VWDE: variants seen among roughly 807,000 people sequenced by gnomAD.
The protein encoded by VWDE is von Willebrand factor D and EGF domain-containing protein.
Under a neutral mutation model 178.4 loss-of-function variants are expected in VWDE, and 207 were observed. The observed-to-expected ratio is 1.16, with a 90% CI of 1.04 to 1.30. The LOEUF is 1.30. VWDE is among the 50% of genes most tolerant of loss of function. The pLI is 0.00. For synonymous variants in VWDE, 738 were observed against 651.4 expected (o/e 1.13, Z -2.02); for missense variants, 2,287 against 1,901.3 (o/e 1.20, Z -3.77).
intron 4 of VWDE, among the ~76,000 whole-genome samples, chr7:12,383,306 A>T (rs2128559314): frequency 6.6e-6 from 1 of 152,246 alleles, no homozygotes; most frequent in East Asian, 1.9e-4. Context: ...AAATTTTCTT[A>T]TGAAAGATTC....
intron 1 of VWDE, among the ~76,000 whole-genome samples, chr7:12,395,256 G>T (rs113896373): frequency 6.6e-6 from 1 of 152,096 alleles, no homozygotes; most frequent in Non-Finnish European, 1.5e-5. Context: ...TCTAATTTTA[G>T]AATATCTCTA....
In VWDE at chr7:12,370,765, C is replaced by A; in HGVS notation, c.1687G>T (p.Gly563Ter). The change falls in exon 11 of 29, where the codon GGA (glycine) becomes TGA (stop). Residue 563 changes from glycine (G) to a stop codon, truncating the protein, a stop_gained. Coordinates refer to ENST00000275358, the MANE Select transcript of VWDE (RefSeq NM_001135924.3). LOFTEE classifies it high-confidence loss of function. ...APSVDYRNTL[G>*]LCGTFDENPE... is the part of the protein sequence containing the mutation. ...TTTTCATCAAAGGTTCCACAAAGTC[C>A]CAGAGTGTTTCTGTAATCTACACTA... 3.2e-6 allele frequency: 5 copies of A among 1,549,874 alleles called. No homozygotes were observed. Among genetic ancestry groups the A allele is most frequent in the Non-Finnish European group, 3.5e-6 (4 of 1,146,208 alleles).
rs189473450 is a variant in VWDE, at chr7:12,332,706, C to T, written c.4758+759G>A. Among the ~76,000 whole-genome samples the T allele has an allele frequency of 1.4e-3, 213 of 152,186 alleles. 1 individual carries two copies. Among genetic ancestry groups the T allele is most frequent in the African/African-American group, 4.7e-3 (197 of 41,546 alleles). ...AGCCCTATTATGATCTGGTTATTTTCACAATGGGGGCCAATCCTACAGGAT... is the reference window on the plus strand; with the variant it reads ...AGCCCTATTATGATCTGGTTATTTTTACAATGGGGGCCAATCCTACAGGAT... On this transcript the variant is annotated intron_variant, in intron 28 of 28. Transcript: ENST00000275358.
chr7:12,334,115 T>C (rs1173969534), intron 27 of VWDE, among the ~76,000 whole-genome samples: 1 of 151,592 alleles, frequency 6.6e-6, no homozygotes, highest in Non-Finnish European at 1.5e-5. Flanking sequence ...CCTACATCTA[T>C]CTCAATATCT....
At chr7:12,387,022 TATA>T (rs1416624996) in intron 3 of VWDE, among the ~76,000 whole-genome samples, 6 of 152,182 alleles carry the variant, frequency 3.9e-5, no homozygotes, top group African/African-American at 1.2e-4. Context: ...TTGATCTTAT[TATA>T]ATAATAAACA....
chr7:12,368,154 T>G (rs1368936807), intron 12 of VWDE, among the ~76,000 whole-genome samples: 1 of 149,812 alleles, frequency 6.7e-6, no homozygotes, highest in Admixed American at 6.7e-5. Context: ...ATTTATCTGT[T>G]GCTATTCTAG....
chr7:12,363,073 G>A (rs1207501649), intron 13 of VWDE, among the ~76,000 whole-genome samples: 2 of 151,888 alleles, frequency 1.3e-5, no homozygotes, highest in Non-Finnish European at 2.9e-5. Flanking sequence ...ATATCTCAGT[G>A]AAAAAAGATC....
In VWDE at chr7:12,385,958, G is replaced by A. The variant is rs541942485; in HGVS notation, c.476-2357C>T. The stretch of plus-strand genomic sequence containing the variant: ...ACAGAAAATATTTTAAATTTGGAAG[G>A]GATGTCATAAAATGCAAATTTTAAA... On this transcript the variant is annotated intron_variant, in intron 3 of 28. Coordinates refer to ENST00000275358, the MANE Select transcript of VWDE (RefSeq NM_001135924.3). Among the ~76,000 whole-genome samples, 7 of 152,062 alleles carry A rather than the reference G, an allele frequency of 4.6e-5. No individual in the cohort carries two copies. In the East Asian group the frequency reaches 1.4e-3, roughly 29 times the overall value.
At chr7:12,378,390 AC>A (rs1209415253) in intron 6 of VWDE, among the ~76,000 whole-genome samples, 1 of 152,148 alleles carries the variant, frequency 6.6e-6, no homozygotes, top group Non-Finnish European at 1.5e-5. Context: ...ATATCTCCAC[AC>A]TTAGCTTATT....
chr7:12,377,677 AT>A, intron 7 of VWDE, 98 bp downstream of exon 7: 1 of 697,312 alleles, frequency 1.4e-6, no homozygotes, highest in Non-Finnish European at 2.0e-6. Context: ...ATGCAACATG[AT>A]TTATTATATG....
chr7:12,336,076 A>G, intron 27 of VWDE, 65 bp downstream of exon 27: 3 of 1,372,770 alleles, frequency 2.2e-6, no homozygotes, highest in Non-Finnish European at 3.0e-6. Context: ...CTAAAGCTAT[A>G]CTTTAATTAT....
intron 19 of VWDE, 98 bp downstream of exon 19, chr7:12,351,475 T>C (rs1781938080): frequency 7.5e-6 from 10 of 1,329,858 alleles, no homozygotes; most frequent in Non-Finnish European, 1.0e-5. Context: ...GTGATCTTTC[T>C]AAAAATAAAA....
At chr7:12,363,239 A>G (rs1239429158) in intron 13 of VWDE, among the ~76,000 whole-genome samples, 1 of 152,100 alleles carries the variant, frequency 6.6e-6, no homozygotes, top group African/African-American at 2.4e-5. Context: ...ATAAAAAGGG[A>G]GACTGCTATT....
Position 12,330,965 on chromosome 7 carries a change from C to T in VWDE, c.*218G>A, listed in dbSNP as rs1342374840. On this transcript the variant is annotated 3_prime_UTR_variant, in exon 29 of 29. Coordinates refer to ENST00000275358, the MANE Select transcript of VWDE (RefSeq NM_001135924.3). ...ATACATCATCTCAATATGTAAATAT[C>T]CTATCCCATCTCAACATCAAATTTA... 6.2e-6 allele frequency: 3 copies of T among 482,050 alleles called. No homozygotes were observed. The highest frequency in any genetic ancestry group is 1.1e-5 in the Non-Finnish European group (3 of 270,618). 29.9% of individuals were successfully genotyped at this position (482,050 alleles called of 1,614,324 possible).
intron 6 of VWDE, 40 bp from the exon 7 acceptor site, chr7:12,377,960 T>C: frequency 7.5e-7 from 1 of 1,328,226 alleles, no homozygotes; most frequent in Non-Finnish European, 9.7e-7. Context: ...TGTTAAAATA[T>C]AATTTATTTC....
intron 6 of VWDE, among the ~76,000 whole-genome samples, chr7:12,378,811 G>C (rs1297108080): frequency 6.6e-6 from 1 of 152,162 alleles, no homozygotes; most frequent in Non-Finnish European, 1.5e-5. Flanking sequence ...TCCTGGTCCT[G>C]AGTCCTATTC....
intron 1 of VWDE, among the ~76,000 whole-genome samples, chr7:12,397,594 C>A (rs1226985932): frequency 1.3e-5 from 2 of 152,020 alleles, no homozygotes; most frequent in Non-Finnish European, 2.9e-5. Flanking sequence ...AGAGTTTCTC[C>A]ACAGCAAAAT....
chr7:12,370,533 A>G lies in VWDE; in HGVS notation c.1797-24T>C, dbSNP rs1041802268. On this transcript the variant is annotated intron_variant, in intron 11 of 28. Coordinates refer to ENST00000275358, the MANE Select transcript of VWDE (RefSeq NM_001135924.3). ...TCCTTCCAGATGGAAAACAGGAAAG[A>G]ATAGTAATTTTGTACATAAACATTT... 8 of 1,531,640 alleles carry G rather than the reference A, an allele frequency of 5.2e-6. No homozygotes were observed. In the African/African-American group the frequency reaches 1.1e-4, roughly 21 times the overall value. The allele number at this position is 1,531,640 out of a possible 1,614,324, so 94.9% of individuals were successfully genotyped here.
At chr7:12,389,789 G>A (rs1009291198) in intron 2 of VWDE, among the ~76,000 whole-genome samples, 2 of 152,180 alleles carry the variant, frequency 1.3e-5, no homozygotes, top group African/African-American at 2.4e-5. Flanking sequence ...TTAATGCATA[G>A]TTCAGGAGGC....
Sources: gnomAD v4.1 joint callset for allele counts (sites outside exome capture counted in the v4.1 genomes callset) on GRCh38, gnomAD v4.1.1 for gene constraint, MANE v1.5 for transcripts, NCBI Gene and HGNC (gene_info 2026-07-23, HGNC 2026-07-21) for gene names.